RABGAP1: variants seen among roughly 807,000 people sequenced by gnomAD.
RABGAP1 encodes rab GTPase-activating protein 1.
RABGAP1 carries 23 observed loss-of-function variants against 137.6 expected under a neutral mutation model. The ratio of observed to expected loss-of-function variants is 0.17; its 90% CI spans 0.12 to 0.24. RABGAP1 has a LOEUF of 0.24. Among genes scored for constraint, RABGAP1 ranks in the 10% least tolerant of loss-of-function variants. RABGAP1 has a pLI of 1.00. For synonymous variants in RABGAP1, 451 were observed against 450.7 expected, an observed-to-expected ratio of 1.00 and a Z score of -0.01; for missense variants, 906 against 1,275.8, an observed-to-expected ratio of 0.71 and a Z score of 4.42.
chr9:123,073,439 T>A (rs1819488166), intron 15 of RABGAP1, 113 bp from the exon 16 acceptor site: 7 of 1,358,118 alleles, frequency 5.2e-6, no homozygotes, highest in Non-Finnish European at 6.0e-6. Context: ...GCACTAAATT[T>A]TCTGGTAAGG....
intron 2 of RABGAP1, among the ~76,000 whole-genome samples, chr9:122,983,795 G>T (rs909110676): frequency 6.6e-6 from 1 of 152,138 alleles, no homozygotes; most frequent in Non-Finnish European, 1.5e-5. Flanking sequence ...TTGGCATTGG[G>T]CAGTCTCCAC....
At chr9:123,027,935 A>G (rs1350228546) in intron 13 of RABGAP1, among the ~76,000 whole-genome samples, 3 of 152,176 alleles carry the variant, frequency 2.0e-5, no homozygotes, top group African/African-American at 7.2e-5. Flanking sequence ...CCTCTAAATT[A>G]TTACTTGTGA....
At chr9:123,000,538 C>T (rs1837265661) in intron 10 of RABGAP1, among the ~76,000 whole-genome samples, 1 of 152,156 alleles carries the variant, frequency 6.6e-6, no homozygotes, top group African/African-American at 2.4e-5. Flanking sequence ...TTCCTTAAAG[C>T]TCCTCTTTAT....
Position 122,996,610 on chromosome 9 carries a change from G to A in RABGAP1, c.1101+5G>A. On this transcript the variant is annotated splice_donor_5th_base_variant and intron_variant, in intron 8 of 25. Transcript: ENST00000373647. ...GACATGCACTTATTAGATTTGGTAA[G>A]AATTTATTTTTATTAGAAAGTTACA... is the stretch of plus-strand genomic sequence containing the variant. The A allele has an allele frequency of 6.3e-7, 1 of 1,591,286 alleles. No individual in the cohort carries two copies.
chr9:123,002,956 GATA>G (rs747810362), intron 10 of RABGAP1, among the ~76,000 whole-genome samples: 14 of 152,148 alleles, frequency 9.2e-5, no homozygotes, highest in Non-Finnish European at 1.6e-4. Flanking sequence ...AATTCCCGAT[GATA>G]ATCTTTTATT....
intron 2 of RABGAP1, among the ~76,000 whole-genome samples, chr9:122,973,959 A>G (rs1176523901): frequency 6.6e-6 from 1 of 151,884 alleles, no homozygotes; most frequent in Non-Finnish European, 1.5e-5. Flanking sequence ...GCAGTGAGCT[A>G]TCACGCCACT....
intron 2 of RABGAP1, among the ~76,000 whole-genome samples, chr9:122,982,956 A>G (rs990249734): frequency 6.6e-6 from 1 of 152,106 alleles, no homozygotes; most frequent in Non-Finnish European, 1.5e-5. Flanking sequence ...TGCAGCCTCA[A>G]CTTCTGGGCT....
upstream of RABGAP1, among the ~76,000 whole-genome samples, chr9:122,937,298 G>A (rs557131675): frequency 1.8e-4 from 27 of 152,314 alleles, no homozygotes; most frequent in African/African-American, 2.9e-4. Flanking sequence ...TTTTGAAGTC[G>A]TTCGAAGAAC....
chr9:123,065,868 T>C lies in RABGAP1; in HGVS notation c.1908+407T>C, dbSNP rs559368324. Among the ~76,000 whole-genome samples, 7 of 152,338 alleles carry C rather than the reference T, an allele frequency of 4.6e-5. No individual in the cohort carries two copies. The South Asian group carries it at 6.2e-4, about 14-fold the overall frequency. Reference sequence around the variant, plus strand: ...GTCATTGCCCATCCAGGTGTACTTATAGCACTGCAGCATAGTAAATGATGG... The same window carrying C: ...GTCATTGCCCATCCAGGTGTACTTACAGCACTGCAGCATAGTAAATGATGG... On this transcript the variant is annotated intron_variant, in intron 14 of 25. Coordinates refer to ENST00000373647, the MANE Select transcript of RABGAP1 (RefSeq NM_012197.4).
chr9:123,068,348 CAAAAAAAAA>C (rs998962006), intron 14 of RABGAP1, among the ~76,000 whole-genome samples: 4 of 66,534 alleles, frequency 6.0e-5, no homozygotes, highest in African/African-American at 1.5e-4. Context: ...GACTCCATCT[CAAAAAAAAA>C]AAAAAAAAAG....
chr9:123,085,543 C>T (rs954875113), intron 19 of RABGAP1, among the ~76,000 whole-genome samples: 3 of 152,142 alleles, frequency 2.0e-5, no homozygotes, highest in African/African-American at 7.2e-5. Flanking sequence ...ATTTAATTTT[C>T]TTTGAGGGCA....
At chr9:123,098,630 G>A (rs2035253609) in intron 22 of RABGAP1, 85 bp from the exon 23 acceptor site, 1 of 1,153,032 alleles carries the variant, frequency 8.7e-7, no homozygotes, top group Non-Finnish European at 1.2e-6. Context: ...AGCAGTTTTT[G>A]GGAAGCCTAG....
At chr9:123,067,012 T>G (rs2034197407) in intron 14 of RABGAP1, among the ~76,000 whole-genome samples, 1 of 152,214 alleles carries the variant, frequency 6.6e-6, no homozygotes, top group Non-Finnish European at 1.5e-5. Flanking sequence ...ATGATCCTAA[T>G]TTTTTAATAC....
At position 122,986,197 on chromosome 9, in the gene RABGAP1, A is replaced by G. The variant is rs1211336160; in HGVS notation, c.386-18A>G. On this transcript the variant is annotated intron_variant, in intron 3 of 25. Transcript: ENST00000373647. The stretch of plus-strand genomic sequence containing the variant: ...TCAAAGTGAAAGTAATCACTTCCTT[A>G]TTCATTGTTTCTTTCAGATTCTGAA... The G allele has an allele frequency of 6.2e-7, 1 of 1,604,806 alleles. No homozygotes were observed. Among genetic ancestry groups the G allele is most frequent in the South Asian group, 1.1e-5 (1 of 90,472 alleles).
Position 123,086,864 on chromosome 9 carries a change from G to A in RABGAP1, c.2425-2894G>A, listed in dbSNP as rs147858615. 3.0e-3 allele frequency among the ~76,000 whole-genome samples: 450 copies of A among 152,210 alleles called. 2 individuals carry two copies. The highest frequency in any genetic ancestry group is 0.01 in the African/African-American group (419 of 41,514). ...AGAGGTGACCCCTGAGGACTGATTCGGAAGTAAATGAAGACCATCAGCTAG... is the reference window on the plus strand; with the variant it reads ...AGAGGTGACCCCTGAGGACTGATTCAGAAGTAAATGAAGACCATCAGCTAG... On this transcript the variant is annotated intron_variant, in intron 19 of 25. Coordinates refer to ENST00000373647, the MANE Select transcript of RABGAP1 (RefSeq NM_012197.4).
intron 2 of RABGAP1, among the ~76,000 whole-genome samples, chr9:122,959,947 C>T (rs1330226889): frequency 6.6e-6 from 1 of 152,208 alleles, no homozygotes; most frequent in Non-Finnish European, 1.5e-5. Context: ...CTACTTCCAG[C>T]TCCAAAGCCA....
chr9:123,017,965 G>GT (rs2031353745), intron 12 of RABGAP1, among the ~76,000 whole-genome samples: 1 of 152,146 alleles, frequency 6.6e-6, no homozygotes, highest in African/African-American at 2.4e-5. Context: ...AGTATTAATA[G>GT]TATCTTTGAG....
At chr9:123,037,527 T>C (rs2032725967) in intron 13 of RABGAP1, among the ~76,000 whole-genome samples, 1 of 152,226 alleles carries the variant, frequency 6.6e-6, no homozygotes, top group Non-Finnish European at 1.5e-5. Flanking sequence ...GAAAAATGGT[T>C]GTATTGTATA....
At chr9:122,998,856 A>G (rs1254822553) in intron 10 of RABGAP1, 90 bp downstream of exon 10, 5 of 757,588 alleles carry the variant, frequency 6.6e-6, no homozygotes, top group Non-Finnish European at 9.8e-6. Flanking sequence ...ATCTTTAAAC[A>G]GTCATGTGTA....
Sources: allele counts gnomAD v4.1 joint callset (sites outside exome capture counted in the v4.1 genomes callset), GRCh38; gene constraint gnomAD v4.1.1; transcripts MANE v1.5; gene names NCBI Gene and HGNC (gene_info 2026-07-23, HGNC 2026-07-21).